RNF220: variants seen among roughly 807,000 people sequenced by gnomAD.
RNF220 encodes ring finger protein 220.
RNF220 carries 7 observed loss-of-function variants against 67.1 expected under a neutral mutation model. The observed-to-expected ratio is 0.10, with a 90% CI of 0.06 to 0.20. The LOEUF (loss-of-function observed/expected upper bound fraction) is 0.20. Among genes scored for constraint, RNF220 ranks in the 10% least tolerant of loss-of-function variants. The probability of loss-of-function intolerance (pLI) is 1.00; values close to 1 mark genes in which losing one functional copy is unlikely to be tolerated. For missense variants in RNF220, 565 were observed against 740.3 expected, an observed-to-expected ratio of 0.76 and a Z score of 2.75; for synonymous variants, 270 against 283.2, an observed-to-expected ratio of 0.95 and a Z score of 0.47.
chr1:44,621,510 GT>G lies in RNF220; in HGVS notation c.759-1228del, dbSNP rs2148447477. Among the ~76,000 whole-genome samples, 1 of 152,258 alleles carries G rather than the reference GT, an allele frequency of 6.6e-6. No individual in the cohort carries two copies. Among genetic ancestry groups the G allele is most frequent in the African/African-American group, 2.4e-5 (1 of 41,534 alleles). On this transcript the variant is annotated intron_variant, in intron 3 of 14. Transcript: ENST00000361799. This position sits in a 1 kb window ranked among gnomAD's most constrained non-coding sequence, Gnocchi z 4.8. Reference sequence around the variant, plus strand: ...AGCAACCTCCCCTCCCTCCGCTCAAGTTTTGACAATCAAAAATGTCTCCAGA... The same window carrying G: ...AGCAACCTCCCCTCCCTCCGCTCAAGTTTGACAATCAAAAATGTCTCCAGA...
intron 5 of RNF220, chr1:44,631,950 G>C (rs1208493229): frequency 1.0e-6 from 1 of 991,124 alleles, no homozygotes; most frequent in Non-Finnish European, 1.2e-6. Context: ...GCGCGCGACG[G>C]CGGCAGATCA....
chr1:44,564,979 A>G (rs1663880251), intron 2 of RNF220, among the ~76,000 whole-genome samples: 1 of 150,798 alleles, frequency 6.6e-6, no homozygotes, highest in African/African-American at 2.4e-5. Flanking sequence ...GCCTGAATCA[A>G]CTCTTTATCC....
At chr1:44,607,950 G>A (rs553565062) in intron 2 of RNF220, among the ~76,000 whole-genome samples, 1 of 146,676 alleles carries the variant, frequency 6.8e-6, no homozygotes, top group South Asian at 2.1e-4. Flanking sequence ...TTAAGACAGG[G>A]TCTCACTCTG....
chr1:44,412,084 A>C lies in RNF220; in HGVS notation c.-14A>C. On this transcript the variant is annotated 5_prime_UTR_variant, in exon 2 of 15. Transcript: ENST00000361799. This position sits in a 1 kb window ranked among gnomAD's most constrained non-coding sequence, Gnocchi z 5.3. ...CTGCTTCTTGCGTAACGCCGGCCAC[A>C]GAAAGAGACTCCGATGGACTTACAC... 1 of 1,596,526 alleles carries C rather than the reference A, an allele frequency of 6.3e-7. No homozygotes were observed. Among genetic ancestry groups the C allele is most frequent in the Non-Finnish European group, 8.6e-7 (1 of 1,169,152 alleles).
chr1:44,635,748 C>T, intron 7 of RNF220, 160 bp downstream of exon 7: 1 of 1,468,884 alleles, frequency 6.8e-7, no homozygotes, highest in Non-Finnish European at 9.1e-7. Context: ...AATCTGTGGG[C>T]TCTTGGGGTC....
At chr1:44,455,418 C>T (rs114015431) in intron 2 of RNF220, among the ~76,000 whole-genome samples, 1,693 of 152,204 alleles carry the variant, frequency 0.011, 13 homozygotes, top group Middle Eastern at 0.017. Context: ...AGGAAGGCAG[C>T]GGTGAGTGCA....
At chr1:44,452,999 T>A (rs2147935353) in intron 2 of RNF220, among the ~76,000 whole-genome samples, 1 of 152,354 alleles carries the variant, frequency 6.6e-6, no homozygotes, top group East Asian at 1.9e-4. Context: ...CTTCTTTTAA[T>A]GTCTTTCAAT....
chr1:44,456,431 G>T (rs1014757856), intron 2 of RNF220, among the ~76,000 whole-genome samples: 6 of 152,176 alleles, frequency 3.9e-5, no homozygotes, highest in Non-Finnish European at 8.8e-5. Context: ...AGCCCATGGA[G>T]TTGAGATACT....
chr1:44,495,964 G>A (rs1408448818), intron 2 of RNF220, among the ~76,000 whole-genome samples: 1 of 152,190 alleles, frequency 6.6e-6, no homozygotes, highest in African/African-American at 2.4e-5. Flanking sequence ...GATGATGCTG[G>A]AGAGGTAGAC....
intron 7 of RNF220, 103 bp from the exon 8 acceptor site, chr1:44,635,927 T>A: frequency 6.4e-7 from 1 of 1,569,918 alleles, no homozygotes; most frequent in Non-Finnish European, 8.7e-7. Context: ...GAGGGCCCAC[T>A]TGGCACACCA....
intron 2 of RNF220, among the ~76,000 whole-genome samples, chr1:44,550,686 T>C (rs1037027144): frequency 6.6e-6 from 1 of 152,174 alleles, no homozygotes; most frequent in Non-Finnish European, 1.5e-5. Flanking sequence ...TATCCCAGCC[T>C]GAGGTTGAGC....
intron 2 of RNF220, among the ~76,000 whole-genome samples, chr1:44,490,345 C>G (rs1656742469): frequency 2.6e-5 from 4 of 151,954 alleles, no homozygotes; most frequent in Admixed American, 2.6e-4. Flanking sequence ...TGGCGAGCGC[C>G]TGTAATCCCA....
At position 44,511,741 on chromosome 1, in the gene RNF220, A is replaced by G. The variant is rs143096632; in HGVS notation, c.625+99019A>G. Among the ~76,000 whole-genome samples, 44 of 152,354 alleles carry G rather than the reference A, an allele frequency of 2.9e-4. 1 individual carries two copies. The Middle Eastern group carries it at 0.017, about 59-fold the overall frequency. On this transcript the variant is annotated intron_variant, in intron 2 of 14. Transcript: ENST00000361799. ...TAATTATGTCTGGAAAATCATAGAA[A>G]GTAAAAGGGGCCATCAGGAGGCTGG...
At chr1:44,463,375 G>A (rs1653974549) in intron 2 of RNF220, among the ~76,000 whole-genome samples, 1 of 151,404 alleles carries the variant, frequency 6.6e-6, no homozygotes, top group South Asian at 2.1e-4. Flanking sequence ...CAGGAAATAA[G>A]CACTTAGAAG....
Position 44,618,839 on chromosome 1 carries a change from A to G in RNF220, c.759-3903A>G, listed in dbSNP as rs944613784. Among the ~76,000 whole-genome samples, 64 of 152,180 alleles carry G rather than the reference A, an allele frequency of 4.2e-4. 1 individual carries two copies. Among genetic ancestry groups the G allele is most frequent in the African/African-American group, 1.4e-3 (59 of 41,436 alleles). On this transcript the variant is annotated intron_variant, in intron 3 of 14. Coordinates refer to ENST00000361799, the MANE Select transcript of RNF220 (RefSeq NM_018150.4). Reference sequence around the variant, plus strand: ...GTGGCAGTGGCAGTGGGGATGCAGAAGAGGGAATGACGACAGACCAGGTGG... The same window carrying G: ...GTGGCAGTGGCAGTGGGGATGCAGAGGAGGGAATGACGACAGACCAGGTGG...
rs1201915294 is a variant in RNF220 at position 44,604,282 on chromosome 1, C to A, written c.626-9883C>A. 6.8e-4 allele frequency among the ~76,000 whole-genome samples: 104 copies of A among 152,284 alleles called. 1 individual carries two copies. Among genetic ancestry groups the A allele is most frequent in the Non-Finnish European group, 4.4e-5 (3 of 68,028 alleles). On this transcript the variant is annotated intron_variant, in intron 2 of 14. Coordinates refer to ENST00000361799, the MANE Select transcript of RNF220 (RefSeq NM_018150.4). The stretch of plus-strand genomic sequence containing the variant: ...TCCACATGTGGATATTTTCCAGAAT[C>A]AGGCCCTTCACTGTAGTCTGTGAAG...
chr1:44,635,922 C>G (rs1644314647), intron 7 of RNF220, 108 bp from the exon 8 acceptor site: 1 of 1,554,530 alleles, frequency 6.4e-7, no homozygotes, highest in Non-Finnish European at 8.8e-7. Context: ...GAGCTGAGGG[C>G]CCACTTGGCA....
chr1:44,430,490 G>A (rs1650244667), intron 2 of RNF220, among the ~76,000 whole-genome samples: 2 of 151,966 alleles, frequency 1.3e-5, no homozygotes, highest in Non-Finnish European at 2.9e-5. Flanking sequence ...TACTATCTTT[G>A]CAATTTTTCC....
At chr1:44,560,053 C>A (rs536657723) in intron 2 of RNF220, among the ~76,000 whole-genome samples, 2 of 152,326 alleles carry the variant, frequency 1.3e-5, no homozygotes, top group Non-Finnish European at 2.9e-5. Flanking sequence ...AGGCAGGCAA[C>A]CCCAGCAAGC....
Sources: allele counts gnomAD v4.1 joint callset (sites outside exome capture counted in the v4.1 genomes callset), GRCh38; gene constraint gnomAD v4.1.1; non-coding constraint Gnocchi (gnomAD v3.1); transcripts MANE v1.5; gene names NCBI Gene and HGNC (gene_info 2026-07-23, HGNC 2026-07-21).